Variants in DCDC1 observed in about 807,000 individuals in gnomAD.
The protein encoded by DCDC1 is doublecortin domain-containing protein 1.
Under a neutral mutation model 178.3 loss-of-function variants are expected in DCDC1, and 200 were observed. The observed-to-expected ratio is 1.12, with a 90% CI of 1.00 to 1.26. The LOEUF (loss-of-function observed/expected upper bound fraction) is 1.26, where lower values mean the gene tolerates loss of function less well. Among genes scored for constraint, DCDC1 ranks in the 50% most tolerant of loss-of-function variants. The pLI, the probability that DCDC1 is intolerant of heterozygous loss-of-function variation, is 0.00. For missense variants in DCDC1, 1,983 were observed against 1,749.2 expected (o/e 1.13, Z -2.38); for synonymous variants, 690 against 604.8 (o/e 1.14, Z -2.07).
At chr11:30,868,586 T>C (rs759407907) in intron 38 of DCDC1, among the ~76,000 whole-genome samples, 18 of 152,036 alleles carry the variant, frequency 1.2e-4, no homozygotes, top group Non-Finnish European at 2.2e-4. Context: ...AGTTTGCTCA[T>C]CTGGGCCTGC....
At chr11:31,314,640 C>CT (rs1948957085) in intron 3 of DCDC1, 1 of 152,138 alleles carries the variant, frequency 6.6e-6, no homozygotes, top group South Asian at 2.1e-4. Context: ...TGACTATCAT[C>CT]TTTTTTGAGG....
chr11:30,870,894 C>A (rs1941485474), intron 38 of DCDC1, among the ~76,000 whole-genome samples: 1 of 152,164 alleles, frequency 6.6e-6, no homozygotes, highest in East Asian at 1.9e-4. Flanking sequence ...TAATTTCATT[C>A]CTCAGTAGTG....
chr11:31,139,437 CATATTGGT>C (rs1963555436), intron 9 of DCDC1, among the ~76,000 whole-genome samples: 1 of 152,194 alleles, frequency 6.6e-6, no homozygotes, highest in African/African-American at 2.4e-5. Context: ...CATGGCACAA[CATATTGGT>C]CTCAAGCATC....
intron 9 of DCDC1, among the ~76,000 whole-genome samples, chr11:31,151,846 G>A (rs1293762478): frequency 1.3e-5 from 2 of 152,024 alleles, no homozygotes; most frequent in Non-Finnish European, 2.9e-5. Context: ...AAGGTACAAA[G>A]GTCAAAAGGT....
rs763185774 is a variant in DCDC1 at position 31,077,878 on chromosome 11, C to G, written c.2285G>C (p.Cys762Ser). 3.9e-6 allele frequency: 3 copies of G among 766,034 alleles called. No individual in the cohort carries two copies. The highest frequency in any genetic ancestry group is 3.4e-5 in the Admixed American group (2 of 58,992). 47.5% of individuals were successfully genotyped at this position (766,034 alleles called of 1,614,324 possible). A position where few individuals can be genotyped will look rare whatever the true frequency, so the allele number is the denominator to read the frequency against. ...SQKWVFGTDG[C>S]IYSKAYPQFV... ...TAAAGTCCTTACCTTTGAATAAATG[C>G]AACCATCAGTTCCAAACACCCACTT... The change falls in exon 18 of 39, where the codon TGC becomes TCC. Residue 762 changes from cysteine (C) to serine (S), a missense_variant. Physicochemically the swap from Cys to Ser is moderately radical, Grantham distance 112. Coordinates refer to ENST00000684477, the MANE Select transcript of DCDC1 (RefSeq NM_001387274.1).
chr11:31,178,210 A>C (rs1968326147), intron 9 of DCDC1, among the ~76,000 whole-genome samples: 1 of 152,220 alleles, frequency 6.6e-6, no homozygotes, highest in Non-Finnish European at 1.5e-5. Context: ...CCAATGAAAC[A>C]GAGTAGAGAG....
chr11:31,060,656 C>T (rs979370755), intron 20 of DCDC1, among the ~76,000 whole-genome samples: 19 of 151,986 alleles, frequency 1.3e-4, no homozygotes, highest in African/African-American at 4.1e-4. Flanking sequence ...ATTTAAAATG[C>T]TCTTCATAAC....
intron 1 of DCDC1, among the ~76,000 whole-genome samples, chr11:31,358,012 C>G (rs553653066): frequency 2.0e-5 from 3 of 151,932 alleles, no homozygotes; most frequent in Admixed American, 6.6e-5. Flanking sequence ...GCCATACTGC[C>G]CAAGGTAATT....
rs535749503 is a variant in DCDC1, at chr11:30,949,382, T to C, written c.2715+3063A>G. Among the ~76,000 whole-genome samples the C allele has an allele frequency of 5.3e-5, 8 of 152,228 alleles. No homozygotes were observed. In the Middle Eastern group the frequency reaches 0.01, roughly 194 times the overall value. On this transcript the variant is annotated intron_variant, in intron 21 of 38. Transcript: ENST00000684477. ...AGATGCTGGAGAGGATGTGGAGAAA[T>C]AGGAATGCTTTTACACTGTTGGTGG...
chr11:30,923,620 A>T (rs273606), intron 23 of DCDC1, among the ~76,000 whole-genome samples: 103,124 of 144,386 alleles, frequency 0.71, 37,576 homozygotes, highest in African/African-American at 0.83. Flanking sequence ...TAATAATAAT[A>T]ATTATTATTA....
chr11:31,211,400 C>T (rs755620988), intron 9 of DCDC1, among the ~76,000 whole-genome samples: 1 of 152,194 alleles, frequency 6.6e-6, no homozygotes, highest in Non-Finnish European at 1.5e-5. Context: ...TGCGTGACTA[C>T]TATCCACATG....
intron 12 of DCDC1, among the ~76,000 whole-genome samples, chr11:31,108,942 G>C (rs944394762): frequency 4.6e-5 from 7 of 152,080 alleles, no homozygotes; most frequent in Non-Finnish European, 2.9e-5. Flanking sequence ...ATTGAAACAC[G>C]TGTCCACACA....
intron 3 of DCDC1, among the ~76,000 whole-genome samples, chr11:31,324,084 T>C (rs1213683106): frequency 6.6e-6 from 1 of 152,142 alleles, no homozygotes; most frequent in Non-Finnish European, 1.5e-5. Context: ...TTCAGGATAT[T>C]TTATAACACA....
At chr11:31,315,704 T>G (rs1462830826) in intron 3 of DCDC1, among the ~76,000 whole-genome samples, 1 of 130,404 alleles carries the variant, frequency 7.7e-6, no homozygotes. Flanking sequence ...GTGCATATTG[T>G]GCAGGTTAGT....
intron 9 of DCDC1, among the ~76,000 whole-genome samples, chr11:31,171,521 C>T (rs1031511617): frequency 2.0e-5 from 3 of 152,192 alleles, no homozygotes; most frequent in Non-Finnish European, 4.4e-5. Context: ...TTCACTCACT[C>T]AAAGACCCAA....
At chr11:31,053,857 C>A (rs545464799) in intron 20 of DCDC1, among the ~76,000 whole-genome samples, 13 of 152,142 alleles carry the variant, frequency 8.5e-5, no homozygotes, top group Non-Finnish European at 1.8e-4. Context: ...AAACCCACAG[C>A]CGACATAATA....
intron 21 of DCDC1, 38 bp downstream of exon 21, chr11:30,952,407 A>G: frequency 6.7e-7 from 1 of 1,493,778 alleles, no homozygotes. Context: ...GCCTTAAAGT[A>G]AGTCTCAATG....
At chr11:30,903,417 C>T in intron 32 of DCDC1, 65 bp downstream of exon 32, 1 of 1,333,166 alleles carries the variant, frequency 7.5e-7, no homozygotes. Flanking sequence ...ATGAAATAAT[C>T]ATGTTTAACG....
At chr11:30,968,331 A>G (rs965559945) in intron 20 of DCDC1, among the ~76,000 whole-genome samples, 1 of 152,166 alleles carries the variant, frequency 6.6e-6, no homozygotes, top group South Asian at 2.1e-4. Context: ...TCTGCTATTT[A>G]CTCAATGAAT....
Sources: gnomAD v4.1 joint callset for allele counts (sites outside exome capture counted in the v4.1 genomes callset) on GRCh38, gnomAD v4.1.1 for gene constraint, MANE v1.5 for transcripts, NCBI Gene and HGNC (gene_info 2026-07-23, HGNC 2026-07-21) for gene names.